FAT4: variants seen among roughly 807,000 people sequenced by gnomAD.
FAT4 encodes the protein protocadherin Fat 4.
A neutral mutation model predicts 303.9 loss-of-function variants in FAT4; 84 were observed. The ratio of observed to expected loss-of-function variants is 0.28; its 90% CI spans 0.23 to 0.33. The LOEUF (loss-of-function observed/expected upper bound fraction) is 0.33. Ranked by LOEUF, FAT4 falls within the 10% of genes least tolerant of loss-of-function variation. The pLI is 1.00. For missense variants in FAT4, 6,005 were observed against 6,146.8 expected, an observed-to-expected ratio of 0.98 and a Z score of 0.77; for synonymous variants, 2,307 against 2,298.8, an observed-to-expected ratio of 1.00 and a Z score of -0.10.
chr4:125,458,684 A>G (rs1026315871), intron 10 of FAT4, among the ~76,000 whole-genome samples: 5 of 152,028 alleles, frequency 3.3e-5, no homozygotes, highest in Non-Finnish European at 7.4e-5. Context: ...AAATAAGCAT[A>G]TATTTATAAG....
At position 125,407,065 on chromosome 4, in the gene FAT4, C is replaced by T; in HGVS notation, c.5493C>T (p.Val1831=). Residue 1831 remains valine (V), a synonymous_variant, in exon 4 of 18, where the codon GTC becomes GTT. Transcript: ENST00000394329. The part of the protein sequence containing the change: ...QSSDMRINIT[V]SDVNDHTPKF... ...CGGATATGAGAATTAATATCACTGT[C>T]AGTGATGTGAATGACCATACACCCA... 2 of 1,613,718 alleles carry T rather than the reference C, an allele frequency of 1.2e-6. No individual in the cohort carries two copies. The highest frequency in any genetic ancestry group is 8.5e-7 in the Non-Finnish European group (1 of 1,179,782).
intron 3 of FAT4, among the ~76,000 whole-genome samples, chr4:125,401,467 G>A (rs1290448917): frequency 2.0e-5 from 3 of 151,602 alleles, no homozygotes; most frequent in Admixed American, 6.6e-5. Flanking sequence ...TCTAGTTTGA[G>A]TAAGACTCGA....
At chr4:125,482,237 T>A (rs1727256136) in intron 16 of FAT4, among the ~76,000 whole-genome samples, 1 of 152,218 alleles carries the variant, frequency 6.6e-6, no homozygotes, top group Admixed American at 6.5e-5. Flanking sequence ...CAATTCTCTA[T>A]ATAAACTCTG....
At chr4:125,416,112 TAAAAA>T in intron 6 of FAT4, among the ~76,000 whole-genome samples, 2 of 152,218 alleles carry the variant, frequency 1.3e-5, no homozygotes, top group Non-Finnish European at 2.9e-5. Context: ...CTGCACATAG[TAAAAA>T]ACTAAAATGA....
chr4:125,432,955 C>A (rs1465871657), intron 7 of FAT4, among the ~76,000 whole-genome samples: 1 of 152,084 alleles, frequency 6.6e-6, no homozygotes, highest in African/African-American at 2.4e-5. Flanking sequence ...CTAGAATTCA[C>A]AAAAATAACA....
Position 125,477,109 on chromosome 4 carries a change from T to C in FAT4, c.12300-46T>C, listed in dbSNP as rs564020626. On this transcript the variant is annotated intron_variant, in intron 13 of 17. Transcript: ENST00000394329. Reference sequence around the variant, plus strand: ...TTCGAACTAAACATTATACTAAAAATGTAATCTTTTGACACTAATATTTAT... The same window carrying C: ...TTCGAACTAAACATTATACTAAAAACGTAATCTTTTGACACTAATATTTAT... The C allele has an allele frequency of 6.2e-6, 8 of 1,284,996 alleles. No individual in the cohort carries two copies. The South Asian group carries it at 2.3e-4, about 37-fold the overall frequency. The allele number at this position is 1,284,996 out of a possible 1,614,324, so 79.6% of individuals were successfully genotyped here.
chr4:125,356,429 T>C (rs10049535), intron 2 of FAT4, among the ~76,000 whole-genome samples: 15,470 of 151,966 alleles, frequency 0.1, 1,014 homozygotes, highest in African/African-American at 0.19. Context: ...ACAAAAGAAA[T>C]TTGAAGTTTT....
intron 7 of FAT4, among the ~76,000 whole-genome samples, chr4:125,419,156 A>G (rs943038959): frequency 6.6e-6 from 1 of 152,208 alleles, no homozygotes; most frequent in African/African-American, 2.4e-5. Flanking sequence ...ATGAAAGTTT[A>G]TTGATCAAAT....
intron 7 of FAT4, among the ~76,000 whole-genome samples, chr4:125,420,857 T>G (rs561945393): frequency 2.0e-5 from 3 of 152,334 alleles, no homozygotes; most frequent in African/African-American, 7.2e-5. Flanking sequence ...ACTATCCACC[T>G]TTTCTTACTC....
chr4:125,434,653 A>G (rs2126044490), intron 8 of FAT4, among the ~76,000 whole-genome samples: 1 of 152,186 alleles, frequency 6.6e-6, no homozygotes, highest in South Asian at 2.1e-4. Context: ...TATTTTTATC[A>G]TATCTCATGG....
rs1186563994 is a variant in FAT4, at chr4:125,462,959, T to A, written c.11801-604T>A. ...AAAAGTCTTTATAAACTGAAAAATA[T>A]GCTGTTTAGGTATTATCGCTTCAGA... On this transcript the variant is annotated intron_variant, in intron 10 of 17. Coordinates refer to ENST00000394329, the MANE Select transcript of FAT4 (RefSeq NM_001291303.3). Among the ~76,000 whole-genome samples, 3 of 152,126 alleles carry A rather than the reference T, an allele frequency of 2.0e-5. No homozygotes were observed. In the East Asian group the frequency reaches 5.8e-4, roughly 29 times the overall value.
At chr4:125,481,308 T>G (rs1727217769) in intron 15 of FAT4, among the ~76,000 whole-genome samples, 1 of 152,208 alleles carries the variant, frequency 6.6e-6, no homozygotes, top group Admixed American at 6.5e-5. Flanking sequence ...ATAGAGTATT[T>G]TAAGTTCATG....
chr4:125,408,660 G>T lies in FAT4; in HGVS notation c.5786G>T (p.Arg1929Ile), dbSNP rs770797536. 3 of 1,610,156 alleles carry T rather than the reference G, an allele frequency of 1.9e-6. No homozygotes were observed. The highest frequency in any genetic ancestry group is 3.3e-5 in the Admixed American group (2 of 59,936). The change falls in exon 5 of 18, where the codon AGA (arginine) becomes ATA (isoleucine). Residue 1929 changes from arginine (R) to isoleucine (I), a missense_variant. Coordinates refer to ENST00000394329, the MANE Select transcript of FAT4 (RefSeq NM_001291303.3). ...EDGGGQFTTI[R>I]VYFNILDVND... ...GGTGGGGGACAATTTACTACCATCA[G>T]AGTTTATTTCAATATTCTAGATGTA...
intron 11 of FAT4, among the ~76,000 whole-genome samples, chr4:125,465,796 A>T (rs2126073544): frequency 6.6e-6 from 1 of 152,334 alleles, no homozygotes; most frequent in Middle Eastern, 3.4e-3. Context: ...AAAAAACATT[A>T]TCTAAACTTA....
rs1567047 is a variant in FAT4 at position 125,451,587 on chromosome 4, G to A, written c.10577G>A (p.Gly3526Asp). ...EGEVMENKRP[G>D]TLVMTLQSTD... ...GAAGTCATGGAAAACAAACGGCCAG[G>A]CACTTTGGTGATGACCCTTCAGTCC... Residue 3526 changes from glycine to aspartate, a missense_variant, in exon 10 of 18, where the codon GGC becomes GAC. Coordinates refer to ENST00000394329, the MANE Select transcript of FAT4 (RefSeq NM_001291303.3). The A allele has an allele frequency of 0.28, 450,754 of 1,613,874 alleles. 65,712 individuals are homozygous for A. The highest frequency in any genetic ancestry group is 0.41 in the East Asian group (18,422 of 44,834).
At chr4:125,352,488 A>C (rs1391146711) in intron 2 of FAT4, among the ~76,000 whole-genome samples, 1 of 151,822 alleles carries the variant, frequency 6.6e-6, no homozygotes, top group Non-Finnish European at 1.5e-5. Flanking sequence ...CTGAAAATGC[A>C]CTAGCATGCA....
chr4:125,346,381 A>G (rs906527693), intron 2 of FAT4, among the ~76,000 whole-genome samples: 1 of 152,024 alleles, frequency 6.6e-6, no homozygotes, highest in African/African-American at 2.4e-5. Context: ...TCTGAGAAAA[A>G]AAAACTTGCA....
intron 2 of FAT4, among the ~76,000 whole-genome samples, chr4:125,371,022 C>T (rs1464963173): frequency 2.6e-5 from 4 of 151,882 alleles, no homozygotes; most frequent in Non-Finnish European, 5.9e-5. Flanking sequence ...GTGGTGCATG[C>T]CTGTAATCCC....
Position 125,491,876 on chromosome 4 carries a change from TAGTG to T in FAT4, c.*109_*112del. On this transcript the variant is annotated 3_prime_UTR_variant, in exon 18 of 18. Coordinates refer to ENST00000394329, the MANE Select transcript of FAT4 (RefSeq NM_001291303.3). Reference sequence around the variant, plus strand: ...ATTTGAAAAACAGGCCAGTATGGACTAGTGGTGGAGGGAAAACTTTAAAAATAAT... The same window carrying T: ...ATTTGAAAAACAGGCCAGTATGGACTGTGGAGGGAAAACTTTAAAAATAAT... The T allele has an allele frequency of 8.8e-7, 1 of 1,140,978 alleles. No homozygotes were observed. Among genetic ancestry groups the T allele is most frequent in the South Asian group, 1.7e-5 (1 of 59,494 alleles). 70.7% of individuals were successfully genotyped at this position (1,140,978 alleles called of 1,614,324 possible). A position where few individuals can be genotyped will look rare whatever the true frequency, so the allele number is the denominator to read the frequency against.
Sources: allele counts gnomAD v4.1 joint callset (sites outside exome capture counted in the v4.1 genomes callset), GRCh38; gene constraint gnomAD v4.1.1; transcripts MANE v1.5; gene names NCBI Gene and HGNC (gene_info 2026-07-23, HGNC 2026-07-21).